VTI1A: variants seen among roughly 807,000 people sequenced by gnomAD.
VTI1A encodes the protein vesicle transport through interaction with t-SNAREs 1A.
VTI1A carries 22 observed loss-of-function variants against 34.9 expected under a neutral mutation model. The ratio of observed to expected loss-of-function variants is 0.63; its 90% CI spans 0.45 to 0.90. The LOEUF is 0.90. Ranked by LOEUF, VTI1A falls within the 40% of genes least tolerant of loss-of-function variation. The pLI, the probability that VTI1A is intolerant of heterozygous loss-of-function variation, is 0.00. For missense variants in VTI1A, 268 were observed against 275.6 expected, an observed-to-expected ratio of 0.97 and a Z score of 0.20; for synonymous variants, 87 against 97.3, an observed-to-expected ratio of 0.89 and a Z score of 0.62.
chr10:112,520,143 T>C (rs1479822901), intron 3 of VTI1A, among the ~76,000 whole-genome samples: 1 of 152,074 alleles, frequency 6.6e-6, no homozygotes, highest in Admixed American at 6.6e-5. Flanking sequence ...TATGGAGTTA[T>C]TTTATTTTAC....
chr10:112,736,313 T>C (rs1238463134), intron 7 of VTI1A, among the ~76,000 whole-genome samples: 2 of 152,008 alleles, frequency 1.3e-5, no homozygotes, highest in Admixed American at 1.3e-4. Context: ...ATTATTGTGA[T>C]ATACCACCAC....
intron 7 of VTI1A, among the ~76,000 whole-genome samples, chr10:112,717,805 G>A (rs1849662190): frequency 6.6e-6 from 1 of 152,196 alleles, no homozygotes; most frequent in African/African-American, 2.4e-5. Context: ...ACTCTTTGAT[G>A]CAGGGGTGGC....
intron 7 of VTI1A, among the ~76,000 whole-genome samples, chr10:112,695,949 A>G (rs1848768787): frequency 1.3e-5 from 2 of 152,194 alleles, no homozygotes; most frequent in South Asian, 4.1e-4. Context: ...AAGATTTGCT[A>G]AGCACCTTAT....
rs1332345465 is a variant in VTI1A at position 112,767,419 on chromosome 10, T to A, written c.561-47871T>A. On this transcript the variant is annotated intron_variant, in intron 7 of 7. Coordinates refer to ENST00000393077, the MANE Select transcript of VTI1A (RefSeq NM_145206.4). This position sits in a 1 kb window ranked among gnomAD's most constrained non-coding sequence, Gnocchi z 4.0. The stretch of plus-strand genomic sequence containing the variant: ...TTCTTCACCTGGAGGCAGCAAACCC[T>A]GATTGCAGACCCAGTGCCTAAAAGG... 6.6e-6 allele frequency among the ~76,000 whole-genome samples: 1 copy of A among 152,222 alleles called. No individual in the cohort carries two copies. The highest frequency in any genetic ancestry group is 1.5e-5 in the Non-Finnish European group (1 of 68,046).
chr10:112,654,660 T>G (rs1420396439), intron 5 of VTI1A, among the ~76,000 whole-genome samples: 1 of 151,884 alleles, frequency 6.6e-6, no homozygotes, highest in Non-Finnish European at 1.5e-5. Context: ...ACCCGGCTAA[T>G]TTTTTTGTAT....
At chr10:112,804,030 A>G (rs1852976409) in intron 7 of VTI1A, among the ~76,000 whole-genome samples, 1 of 152,226 alleles carries the variant, frequency 6.6e-6, no homozygotes, top group Admixed American at 6.5e-5. Flanking sequence ...CGTGGTGCCC[A>G]GGCTGAAATT....
At chr10:112,562,733 A>C (rs1040993475) in intron 5 of VTI1A, among the ~76,000 whole-genome samples, 13 of 152,072 alleles carry the variant, frequency 8.5e-5, no homozygotes, top group Admixed American at 3.9e-4. Context: ...GTGGAATTTG[A>C]AAAGGGGGGA....
chr10:112,716,138 G>A (rs1352074086), intron 7 of VTI1A, among the ~76,000 whole-genome samples: 1 of 152,164 alleles, frequency 6.6e-6, no homozygotes, highest in Non-Finnish European at 1.5e-5. Flanking sequence ...GAGGATCCGA[G>A]GTGAGGGAAA....
intron 7 of VTI1A, among the ~76,000 whole-genome samples, chr10:112,809,503 G>A (rs1853210188): frequency 6.6e-6 from 1 of 152,190 alleles, no homozygotes. Context: ...CAGGCAGGAA[G>A]GCAGGTACAG....
At chr10:112,544,183 A>G (rs1189637586) in intron 5 of VTI1A, among the ~76,000 whole-genome samples, 1 of 152,164 alleles carries the variant, frequency 6.6e-6, no homozygotes, top group Non-Finnish European at 1.5e-5. Flanking sequence ...GTTCCATATG[A>G]ACTTTAAAGT....
intron 7 of VTI1A, among the ~76,000 whole-genome samples, chr10:112,704,036 C>A (rs1357766301): frequency 6.6e-6 from 1 of 152,076 alleles, no homozygotes; most frequent in Non-Finnish European, 1.5e-5. Flanking sequence ...AATTATGGTA[C>A]TTTTAATTTG....
rs578239780 is a variant in VTI1A, at chr10:112,540,866, A to G, written c.427+2536A>G. The stretch of plus-strand genomic sequence containing the variant: ...AAGACTATGGAATGCAAGGAGGAAG[A>G]GAGGTGGAAGAACTAGTATAACTTT... On this transcript the variant is annotated intron_variant, in intron 5 of 7. Coordinates refer to ENST00000393077, the MANE Select transcript of VTI1A (RefSeq NM_145206.4). Among the ~76,000 whole-genome samples, 3 of 152,352 alleles carry G rather than the reference A, an allele frequency of 2.0e-5. No individual in the cohort carries two copies. In the South Asian group the frequency reaches 6.2e-4, roughly 32 times the overall value.
intron 7 of VTI1A, among the ~76,000 whole-genome samples, chr10:112,709,663 C>A (rs1172379373): frequency 7.2e-6 from 1 of 139,494 alleles, no homozygotes; most frequent in African/African-American, 2.7e-5. Context: ...ATCTCCCCAA[C>A]AAGAGGCACT....
chr10:112,847,869 T>C, the VTI1A span, among the ~76,000 whole-genome samples: 1 of 152,170 alleles, frequency 6.6e-6, no homozygotes, highest in South Asian at 2.1e-4. Context: ...CCAGACACTG[T>C]GCCTAGTTAC....
At chr10:112,550,969 C>G (rs963212015) in intron 5 of VTI1A, among the ~76,000 whole-genome samples, 1 of 152,096 alleles carries the variant, frequency 6.6e-6, no homozygotes, top group Non-Finnish European at 1.5e-5. Context: ...CACGGCCGGG[C>G]GCGGTGGCTC....
At chr10:112,822,074 AC>A (rs1277799960), downstream of VTI1A, among the ~76,000 whole-genome samples, 3 of 152,006 alleles carry the variant, frequency 2.0e-5, no homozygotes, top group Non-Finnish European at 4.4e-5. Flanking sequence ...GAGTTGTCTG[AC>A]CCTTTCCTGG....
intron 3 of VTI1A, among the ~76,000 whole-genome samples, chr10:112,470,989 GGCGCTCAGAGAAAGCCTGTTTT>G (rs1294923116): frequency 1.3e-5 from 2 of 152,098 alleles, no homozygotes; most frequent in African/African-American, 2.4e-5. Flanking sequence ...TCAGGGTGGG[GGCGCTCAGAGAAAGCCTGTTTT>G]GCATTTGCTG....
intron 1 of VTI1A, among the ~76,000 whole-genome samples, chr10:112,451,787 C>T (rs1176212770): frequency 6.6e-6 from 1 of 152,178 alleles, no homozygotes; most frequent in Non-Finnish European, 1.5e-5. Context: ...TGAGATAATT[C>T]AGAAAAGTTG....
intron 7 of VTI1A, among the ~76,000 whole-genome samples, chr10:112,729,913 G>A (rs1333518226): frequency 2.0e-5 from 3 of 152,096 alleles, no homozygotes; most frequent in South Asian, 2.1e-4. Context: ...CTCTTTGTGC[G>A]TAGCAAACCT....
Sources: gnomAD v4.1 joint callset for allele counts (sites outside exome capture counted in the v4.1 genomes callset) on GRCh38, gnomAD v4.1.1 for gene constraint, Gnocchi (gnomAD v3.1) non-coding constraint, MANE v1.5 for transcripts, NCBI Gene and HGNC (gene_info 2026-07-23, HGNC 2026-07-21) for gene names.